ARID1B: variants seen among roughly 807,000 people sequenced by gnomAD.
ARID1B encodes the protein AT-rich interactive domain-containing protein 1B.
A neutral mutation model predicts 212.3 loss-of-function variants in ARID1B; 30 were observed. That is an observed-to-expected ratio of 0.14 (90% CI 0.11 to 0.19). The LOEUF (loss-of-function observed/expected upper bound fraction) is 0.19, where lower values mean the gene tolerates loss of function less well. Among genes scored for constraint, ARID1B ranks in the 10% least tolerant of loss-of-function variants. The pLI, the probability that ARID1B is intolerant of heterozygous loss-of-function variation, is 1.00. For synonymous variants in ARID1B, 1,402 were observed against 1,301.7 expected (o/e 1.08, Z -1.66); for missense variants, 2,891 against 3,204.0 (o/e 0.90, Z 2.36).
rs747790383 is a variant in ARID1B, at chr6:156,778,889, CGGAGGAGGAGGA to C, written c.1223_1234del (p.Gly408_Gly411del). The C allele has an allele frequency of 7.8e-5, 106 of 1,366,606 alleles. No individual in the cohort carries two copies. In the East Asian group the frequency reaches 1.2e-3, roughly 16 times the overall value. 84.7% of individuals were successfully genotyped at this position (1,366,606 alleles called of 1,614,324 possible). Reference sequence around the variant, plus strand: ...GCGGCGGCGGAGGAGGAGGAGGCAGCGGAGGAGGAGGAGGAGGAGGAGGAGCAGGAGCAGGAG... The same window carrying C: ...GCGGCGGCGGAGGAGGAGGAGGCAGCGGAGGAGGAGGAGCAGGAGCAGGAG... On this transcript the variant is annotated inframe_deletion, in exon 1 of 20. Transcript: ENST00000636930.
At chr6:157,017,799 G>A (rs553265194) in intron 4 of ARID1B, among the ~76,000 whole-genome samples, 3 of 152,190 alleles carry the variant, frequency 2.0e-5, no homozygotes, top group African/African-American at 7.2e-5. Context: ...TCCTTCTGCT[G>A]TGGTGCAAAT....
chr6:157,113,542 G>T (rs1365364178), intron 6 of ARID1B, among the ~76,000 whole-genome samples: 1 of 152,152 alleles, frequency 6.6e-6, no homozygotes, highest in Non-Finnish European at 1.5e-5. Flanking sequence ...GAGCGAAAGG[G>T]GAGGTGCTAC....
At chr6:156,926,666 A>T (rs1791241590) in intron 3 of ARID1B, among the ~76,000 whole-genome samples, 1 of 151,824 alleles carries the variant, frequency 6.6e-6, no homozygotes, top group South Asian at 2.1e-4. Flanking sequence ...TGTCCCTTTT[A>T]TTATTTTGAA....
intron 4 of ARID1B, among the ~76,000 whole-genome samples, chr6:157,013,222 C>G (rs2128458638): frequency 6.6e-6 from 1 of 152,372 alleles, no homozygotes; most frequent in East Asian, 1.9e-4. Context: ...CTAGTGCTGC[C>G]TAAGGCACTT....
Position 157,201,040 on chromosome 6 carries a change from C to T in ARID1B, c.4815C>T (p.Gly1605=), listed in dbSNP as rs571692142. The change falls in exon 18 of 20, where the codon GGC becomes GGT. Residue 1605 remains glycine, a synonymous_variant. Transcript: ENST00000636930. The surrounding 1 kb of genome is among the most constrained non-coding windows in gnomAD (Gnocchi z 5.2). ...PYPYQNRQGP[G]GPTQAPPYPG... Reference sequence around the variant, plus strand: ...CCTACCAGAACAGGCAGGGCCCTGGCGGCCCTACACAGGCGCCCCCTTACC... The same window carrying T: ...CCTACCAGAACAGGCAGGGCCCTGGTGGCCCTACACAGGCGCCCCCTTACC... The T allele has an allele frequency of 8.1e-6, 13 of 1,613,656 alleles. No homozygotes were observed. Among genetic ancestry groups the T allele is most frequent in the East Asian group, 6.7e-5 (3 of 44,856 alleles).
intron 1 of ARID1B, among the ~76,000 whole-genome samples, chr6:156,803,510 T>G (rs1389169642): frequency 1.3e-5 from 2 of 152,182 alleles, no homozygotes; most frequent in Non-Finnish European, 1.5e-5. Context: ...TGTCTTAAAC[T>G]TACCTAGACT....
At chr6:157,091,117 C>T (rs939320099) in intron 5 of ARID1B, among the ~76,000 whole-genome samples, 5 of 152,302 alleles carry the variant, frequency 3.3e-5, no homozygotes, top group African/African-American at 9.6e-5. Context: ...GGTCAGAGCT[C>T]GTCCTCCTAC....
At chr6:156,846,016 A>C (rs1012518688) in intron 2 of ARID1B, among the ~76,000 whole-genome samples, 3 of 151,904 alleles carry the variant, frequency 2.0e-5, no homozygotes, top group African/African-American at 7.3e-5. Flanking sequence ...TCTTACTCTT[A>C]TTTCGTGGCT....
At chr6:157,087,111 T>C (rs1184966843) in intron 5 of ARID1B, among the ~76,000 whole-genome samples, 5 of 152,212 alleles carry the variant, frequency 3.3e-5, no homozygotes, top group African/African-American at 1.2e-4. Context: ...TTGGTAAAGC[T>C]ATTCAATGAA....
intron 2 of ARID1B, among the ~76,000 whole-genome samples, chr6:156,844,764 C>T (rs985722007): frequency 7.2e-5 from 11 of 152,296 alleles, no homozygotes; most frequent in African/African-American, 2.6e-4. Context: ...AATCAACTTT[C>T]AGTGTTTATG....
At chr6:157,146,659 C>T (rs966171126) in intron 7 of ARID1B, among the ~76,000 whole-genome samples, 1 of 152,228 alleles carries the variant, frequency 6.6e-6, no homozygotes, top group Non-Finnish European at 1.5e-5. Flanking sequence ...TGCACACACA[C>T]ACACATACCC....
chr6:156,948,286 G>A (rs1044614440), intron 4 of ARID1B, among the ~76,000 whole-genome samples: 1 of 152,068 alleles, frequency 6.6e-6, no homozygotes, highest in Non-Finnish European at 1.5e-5. Context: ...GGAGTGCAAG[G>A]GCATGATCAT....
intron 2 of ARID1B, among the ~76,000 whole-genome samples, chr6:156,835,029 T>G: frequency 6.6e-6 from 1 of 151,986 alleles, no homozygotes; most frequent in Non-Finnish European, 1.5e-5. Flanking sequence ...GGTCAGGAGA[T>G]AGATAGAGAC....
At chr6:156,963,053 A>G (rs1794506967) in intron 4 of ARID1B, among the ~76,000 whole-genome samples, 1 of 152,122 alleles carries the variant, frequency 6.6e-6, no homozygotes, top group Admixed American at 6.5e-5. Flanking sequence ...AGGTGCTGGG[A>G]TTACAGGTGT....
chr6:156,927,908 G>A (rs1051258633), intron 3 of ARID1B, among the ~76,000 whole-genome samples: 1 of 152,210 alleles, frequency 6.6e-6, no homozygotes, highest in African/African-American at 2.4e-5. Context: ...ACCACAAATA[G>A]TTAATATATG....
intron 4 of ARID1B, among the ~76,000 whole-genome samples, chr6:156,960,309 T>C (rs1180474340): frequency 6.6e-6 from 1 of 152,174 alleles, no homozygotes; most frequent in East Asian, 1.9e-4. Flanking sequence ...TGTACATATG[T>C]CCTGCAGCAT....
intron 7 of ARID1B, among the ~76,000 whole-genome samples, chr6:157,137,391 A>T (rs896889315): frequency 6.6e-6 from 1 of 152,328 alleles, no homozygotes; most frequent in East Asian, 1.9e-4. Flanking sequence ...GTTTGCAAGG[A>T]AAGAGGACTG....
chr6:157,060,009 G>T lies in ARID1B; in HGVS notation c.2248-24653G>T, dbSNP rs116319063. On this transcript the variant is annotated intron_variant, in intron 4 of 19. Coordinates refer to ENST00000636930, the MANE Select transcript of ARID1B (RefSeq NM_001374828.1). ...TGTCAAGAGGAAGTGTATTGTTCCTGGCAGGGCACTTGAATTTCTAATTAC... is the reference window on the plus strand; with the variant it reads ...TGTCAAGAGGAAGTGTATTGTTCCTTGCAGGGCACTTGAATTTCTAATTAC... Among the ~76,000 whole-genome samples, 1,055 of 152,264 alleles carry T rather than the reference G, an allele frequency of 6.9e-3. 10 individuals carry two copies. The highest frequency in any genetic ancestry group is 0.024 in the African/African-American group (1,010 of 41,534).
intron 1 of ARID1B, among the ~76,000 whole-genome samples, chr6:156,806,891 T>C (rs1781199798): frequency 6.6e-6 from 1 of 152,246 alleles, no homozygotes; most frequent in South Asian, 2.1e-4. Context: ...AATCCGTAAA[T>C]GAACGTGGGA....
Sources: gnomAD v4.1 joint callset for allele counts (sites outside exome capture counted in the v4.1 genomes callset) on GRCh38, gnomAD v4.1.1 for gene constraint, Gnocchi (gnomAD v3.1) non-coding constraint, MANE v1.5 for transcripts, NCBI Gene and HGNC (gene_info 2026-07-23, HGNC 2026-07-21) for gene names.